Variants in FAT1 observed in about 807,000 individuals in gnomAD.
FAT1 encodes protocadherin Fat 1.
FAT1 carries 171 observed loss-of-function variants against 329.8 expected under a neutral mutation model. That is an observed-to-expected ratio of 0.52 (90% CI 0.46 to 0.59). The LOEUF (loss-of-function observed/expected upper bound fraction) is 0.59. Ranked by LOEUF, FAT1 falls within the 20% of genes least tolerant of loss-of-function variation. The pLI is 0.00. For synonymous variants in FAT1, 2,233 were observed against 2,228.6 expected (o/e 1.00, Z -0.06); for missense variants, 5,672 against 5,774.4 (o/e 0.98, Z 0.57).
At chr4:186,724,729 C>A (rs935690901), upstream of FAT1, among the ~76,000 whole-genome samples, 1 of 152,180 alleles carries the variant, frequency 6.6e-6, no homozygotes, top group Non-Finnish European at 1.5e-5. This position sits in a 1 kb window ranked among gnomAD's most constrained non-coding sequence, Gnocchi z 5.3. Flanking sequence ...GCAGGCTCGG[C>A]GCAGGGCGGA....
chr4:186,690,191 A>C (rs900431932), intron 2 of FAT1, among the ~76,000 whole-genome samples: 1 of 152,234 alleles, frequency 6.6e-6, no homozygotes. Flanking sequence ...GATAAATTAT[A>C]CTTGTTAGGC....
chr4:186,696,852 C>G (rs987819502), intron 2 of FAT1, among the ~76,000 whole-genome samples: 1 of 152,090 alleles, frequency 6.6e-6, no homozygotes, highest in Admixed American at 6.6e-5. Flanking sequence ...AGCAAAAACT[C>G]GTCTCTAGTA....
chr4:186,673,238 T>C (rs1463619451), intron 2 of FAT1, among the ~76,000 whole-genome samples: 2 of 152,240 alleles, frequency 1.3e-5, no homozygotes, highest in Non-Finnish European at 2.9e-5. Flanking sequence ...TGTAAATTTC[T>C]GTAACCATGG....
chr4:186,659,046 G>A lies in FAT1; in HGVS notation c.3580+4253C>T, dbSNP rs1028869466. On this transcript the variant is annotated intron_variant, in intron 3 of 26. Coordinates refer to ENST00000441802, the MANE Select transcript of FAT1 (RefSeq NM_005245.4). ...ATACGATCGAACCGCACATACGACC[G>A]TGGTTGTGAAAGATTAATACCACAT... 9.2e-5 allele frequency among the ~76,000 whole-genome samples: 14 copies of A among 152,204 alleles called. 1 individual carries two copies. Among genetic ancestry groups the A allele is most frequent in the Non-Finnish European group, 1.3e-4 (9 of 68,034 alleles).
intron 11 of FAT1, among the ~76,000 whole-genome samples, chr4:186,615,631 C>T (rs1014970245): frequency 2.0e-5 from 3 of 152,150 alleles, no homozygotes; most frequent in Admixed American, 6.5e-5. Context: ...GTCTGTTTCG[C>T]ATCCCAAACA....
chr4:186,628,791 C>G (rs1027873942), intron 7 of FAT1, 28 bp from the exon 8 acceptor site: 2 of 1,589,182 alleles, frequency 1.3e-6, no homozygotes, highest in African/African-American at 2.7e-5. Context: ...ATGACTCATA[C>G]AATATTTCCA....
rs1361682630 is a variant in FAT1 at position 186,628,223 on chromosome 4, C to A, written c.4741G>T (p.Val1581Leu). 1 of 1,613,984 alleles carries A rather than the reference C, an allele frequency of 6.2e-7. No individual in the cohort carries two copies. The highest frequency in any genetic ancestry group is 2.2e-5 in the East Asian group (1 of 44,874). Residue 1581 changes from valine to leucine, a missense_variant, in exon 9 of 27, where the codon GTG becomes TTG. By Grantham distance (32) the Val-to-Leu change is conservative. Around this residue, in one of 2 missense-constraint regions of FAT1, gnomAD observed 3,966 missense variants for 3,915.2 expected, o/e 1.01. Coordinates refer to ENST00000441802, the MANE Select transcript of FAT1 (RefSeq NM_005245.4). ...TTGTCCAGAGCCGTCACCTGCAACA[C>A]AACTGAGCCAACGGCTGCCGATTCA... ...VYESAAVGSV[V>L]LQVTALDKDK... is the part of the protein sequence containing the mutation.
Position 186,603,010 on chromosome 4 carries a change from T to C in FAT1, c.11375A>G (p.His3792Arg), listed in dbSNP as rs1429132641. 6.2e-7 allele frequency: 1 copy of C among 1,613,918 alleles called. No homozygotes were observed. ...AGGGCACGGATCATCTTCACAGCCA[T>C]GGTGGACAGGTGGGCACCTTCCCTC... ...CKEGRCPPVH[H>R]GCEDDPCPEG... is the part of the protein sequence containing the mutation. The change falls in exon 20 of 27, where the codon CAT (histidine) becomes CGT (arginine). Residue 3792 changes from histidine (H) to arginine (R), a missense_variant. Coordinates refer to ENST00000441802, the MANE Select transcript of FAT1 (RefSeq NM_005245.4).
Position 186,621,000 on chromosome 4 carries a change from T to A in FAT1, c.5586A>T (p.Ala1862=), listed in dbSNP as rs1424522161. 5 of 1,612,844 alleles carry A rather than the reference T, an allele frequency of 3.1e-6. No individual in the cohort carries two copies. The highest frequency in any genetic ancestry group is 4.2e-6 in the Non-Finnish European group (5 of 1,179,892). ...MGTPRLFAEY[A]ANVTVHVIDI... The stretch of plus-strand genomic sequence containing the variant: ...CAATTACATGTACTGTTACATTCGC[T>A]GCATACTCAGCAAATAAACGTGGGG... The change falls in exon 10 of 27, where the codon GCA becomes GCT. Residue 1862 remains alanine, a synonymous_variant. Coordinates refer to ENST00000441802, the MANE Select transcript of FAT1 (RefSeq NM_005245.4).
At position 186,672,934 on chromosome 4, in the gene FAT1, G is replaced by A. The variant is rs1579427167; in HGVS notation, c.3266-9321C>T. ...CGTTTTCCCAACATTTGAAAATCTG[G>A]GCTAAAGCGAATTTCATTGTATCGG... On this transcript the variant is annotated intron_variant, in intron 2 of 26. Coordinates refer to ENST00000441802, the MANE Select transcript of FAT1 (RefSeq NM_005245.4). 2.0e-5 allele frequency among the ~76,000 whole-genome samples: 3 copies of A among 152,068 alleles called. No individual in the cohort carries two copies. The East Asian group carries it at 5.8e-4, about 29-fold the overall frequency.
chr4:186,676,329 G>T (rs1250073018), intron 2 of FAT1, among the ~76,000 whole-genome samples: 2 of 151,314 alleles, frequency 1.3e-5, no homozygotes, highest in Admixed American at 1.3e-4. Flanking sequence ...AAGAAAAATG[G>T]CGAGTTATAC....
intron 11 of FAT1, 103 bp downstream of exon 11, chr4:186,616,902 T>C (rs925538412): frequency 2.9e-6 from 3 of 1,039,786 alleles, no homozygotes; most frequent in African/African-American, 3.2e-5. Flanking sequence ...TAAGTGATCA[T>C]AAAACACATG....
intron 11 of FAT1, 76 bp downstream of exon 11, chr4:186,616,929 G>T: frequency 7.6e-7 from 1 of 1,314,478 alleles, no homozygotes; most frequent in Non-Finnish European, 1.1e-6. Context: ...ACACCACAGC[G>T]CCAAATGATG....
intron 2 of FAT1, among the ~76,000 whole-genome samples, chr4:186,677,575 C>T (rs1256426409): frequency 6.6e-6 from 1 of 151,774 alleles, no homozygotes; most frequent in African/African-American, 2.4e-5. Flanking sequence ...AAAGAGGGCA[C>T]ACCTGTATGT....
At chr4:186,715,277 A>G (rs1323102399) in intron 1 of FAT1, among the ~76,000 whole-genome samples, 10 of 150,900 alleles carry the variant, frequency 6.6e-5, no homozygotes, top group South Asian at 6.4e-4. Flanking sequence ...CTCATCCCCA[A>G]CTGGATTCCC....
At chr4:186,724,174 T>A (rs542948214), upstream of FAT1, among the ~76,000 whole-genome samples, 2 of 114,526 alleles carry the variant, frequency 1.7e-5, no homozygotes, top group East Asian at 4.6e-4. The surrounding 1 kb of genome is among the most constrained non-coding windows in gnomAD (Gnocchi z 5.3). Context: ...AGGGAAACGT[T>A]AGCTTAGCTA....
Position 186,588,446 on chromosome 4 carries a change from G to T in FAT1, c.*146C>A. The T allele has an allele frequency of 1.1e-6, 1 of 925,742 alleles. No individual in the cohort carries two copies. 57.3% of individuals were successfully genotyped at this position (925,742 alleles called of 1,614,324 possible). The stretch of plus-strand genomic sequence containing the variant: ...GTAGTTGGGACACTGGAAATGGCTA[G>T]CACGTCCAGAGGCGCAGGATCCAGC... On this transcript the variant is annotated 3_prime_UTR_variant, in exon 27 of 27. Transcript: ENST00000441802.
chr4:186,592,060 G>T (rs144556217), intron 26 of FAT1, among the ~76,000 whole-genome samples: 20 of 152,310 alleles, frequency 1.3e-4, no homozygotes, highest in African/African-American at 4.8e-4. Flanking sequence ...CAGCCCTCCA[G>T]ATGATCTGAT....
rs374715497 is a variant in FAT1, at chr4:186,589,146, C to T, written c.13213G>A (p.Val4405Met). ...PDIQEFPNYE[V>M]IDEQTPLYSA... ...TACAGGGGTGTCTGCTCATCAATCA[C>T]CTCATAGTTGGGGAACTCTTGTATG... Residue 4405 changes from valine to methionine, a missense_variant, in exon 27 of 27, where the codon GTG becomes ATG. Physicochemically the swap from Val to Met is conservative, Grantham distance 21. Transcript: ENST00000441802. The T allele has an allele frequency of 2.4e-5, 38 of 1,613,772 alleles. No individual in the cohort carries two copies. Among genetic ancestry groups the T allele is most frequent in the Non-Finnish European group, 3.1e-5 (36 of 1,179,874 alleles).
Sources: allele counts gnomAD v4.1 joint callset (sites outside exome capture counted in the v4.1 genomes callset), GRCh38; gene constraint gnomAD v4.1.1; regional missense constraint gnomAD v4.1.1; non-coding constraint Gnocchi (gnomAD v3.1); transcripts MANE v1.5; gene names NCBI Gene and HGNC (gene_info 2026-07-23, HGNC 2026-07-21).